The following CRACD variants were observed in gnomAD, a reference collection of about 807,000 sequenced individuals.
CRACD encodes the protein capping protein-inhibiting regulator of actin dynamics.
Under a neutral mutation model 106.8 loss-of-function variants are expected in CRACD, and 56 were observed. That is an observed-to-expected ratio of 0.52 (90% CI 0.42 to 0.66). The LOEUF is 0.66. Ranked by LOEUF, CRACD falls within the 30% of genes least tolerant of loss-of-function variation. CRACD has a pLI of 0.00. For missense variants in CRACD, 1,730 were observed against 1,623.2 expected, an observed-to-expected ratio of 1.07 and a Z score of -1.13; for synonymous variants, 754 against 670.8, an observed-to-expected ratio of 1.12 and a Z score of -1.92.
intron 1 of CRACD, among the ~76,000 whole-genome samples, chr4:56,127,237 T>A (rs1168311468): frequency 6.6e-6 from 1 of 152,226 alleles, no homozygotes; most frequent in Non-Finnish European, 1.5e-5. Flanking sequence ...CTTCCCAGCC[T>A]CTAGATCTGT....
At position 56,315,474 on chromosome 4, in the gene CRACD, T is replaced by G; in HGVS notation, c.1972T>G (p.Ser658Ala). 1 of 1,612,448 alleles carries G rather than the reference T, an allele frequency of 6.2e-7. No individual in the cohort carries two copies. Among genetic ancestry groups the G allele is most frequent in the Middle Eastern group, 1.7e-4 (1 of 6,056 alleles). ...GSGKAKPRQE[S>A]PSSASALAEW... is the part of the protein sequence containing the mutation. Reference sequence around the variant, plus strand: ...CGGGAAGGCTAAGCCCCGCCAGGAGTCTCCCAGCAGCGCGTCCGCACTCGC... The same window carrying G: ...CGGGAAGGCTAAGCCCCGCCAGGAGGCTCCCAGCAGCGCGTCCGCACTCGC... Residue 658 changes from serine to alanine, a missense_variant, in exon 8 of 11, where the codon TCT becomes GCT. Physicochemically the swap from Ser to Ala is moderately conservative, Grantham distance 99. Coordinates refer to ENST00000682029, the MANE Select transcript of CRACD (RefSeq NM_001393381.1). The surrounding 1 kb of genome is among the most constrained non-coding windows in gnomAD (Gnocchi z 4.1).
chr4:56,143,947 G>A (rs1289894272), intron 1 of CRACD, among the ~76,000 whole-genome samples: 1 of 152,188 alleles, frequency 6.6e-6, no homozygotes, highest in Non-Finnish European at 1.5e-5. Context: ...ATGCTACAAT[G>A]AGGGAAATAT....
chr4:56,138,284 T>C (rs1030660446), intron 1 of CRACD, among the ~76,000 whole-genome samples: 5 of 152,002 alleles, frequency 3.3e-5, no homozygotes, highest in African/African-American at 9.7e-5. Flanking sequence ...GCCAACATGG[T>C]GAAAACCTGT....
At chr4:56,323,128 G>A (rs1457219768) in intron 8 of CRACD, among the ~76,000 whole-genome samples, 1 of 152,160 alleles carries the variant, frequency 6.6e-6, no homozygotes, top group African/African-American at 2.4e-5. Context: ...ATTTATTTGA[G>A]TTTTTTTCTA....
chr4:56,295,506 C>T (rs1266938436), intron 3 of CRACD, among the ~76,000 whole-genome samples: 1 of 151,596 alleles, frequency 6.6e-6, no homozygotes, highest in African/African-American at 2.4e-5. Flanking sequence ...GAGTTCAACA[C>T]CAAAGAGCAG....
chr4:56,203,894 A>C (rs1334617903), intron 2 of CRACD, among the ~76,000 whole-genome samples: 1 of 152,192 alleles, frequency 6.6e-6, no homozygotes, highest in Non-Finnish European at 1.5e-5. Flanking sequence ...ACCTGCCTCC[A>C]TACAAGGCCA....
intron 2 of CRACD, among the ~76,000 whole-genome samples, chr4:56,224,355 C>T (rs1331615880): frequency 6.6e-6 from 1 of 152,112 alleles, no homozygotes; most frequent in Non-Finnish European, 1.5e-5. Context: ...GGCTGCTATA[C>T]TTGAGGTCTT....
At position 56,298,466 on chromosome 4, in the gene CRACD, C is replaced by T; in HGVS notation, c.120+117C>T. 4 of 1,228,206 alleles carry T rather than the reference C, an allele frequency of 3.3e-6. No individual in the cohort carries two copies. The South Asian group carries it at 6.3e-5, about 19-fold the overall frequency. 76.1% of individuals were successfully genotyped at this position (1,228,206 alleles called of 1,614,324 possible). A position where few individuals can be genotyped will look rare whatever the true frequency, so the allele number is the denominator to read the frequency against. ...GGATTGGGAGGTCCAGAGGTCACTC[C>T]TGGTGAGAATTATTGCTTTCTTGAA... On this transcript the variant is annotated intron_variant, in intron 4 of 10. Coordinates refer to ENST00000682029, the MANE Select transcript of CRACD (RefSeq NM_001393381.1).
At chr4:56,080,497 A>G (rs2412718) in intron 1 of CRACD, among the ~76,000 whole-genome samples, 54,227 of 152,118 alleles carry the variant, frequency 0.36, 10,207 homozygotes, top group African/African-American at 0.48. Context: ...GCCAGGAAGT[A>G]CTACATCATT....
intron 2 of CRACD, among the ~76,000 whole-genome samples, chr4:56,231,068 AAAC>A (rs139892310): frequency 0.22 from 26,487 of 119,246 alleles, 2,919 homozygotes; most frequent in East Asian, 0.58. Flanking sequence ...CAAAACAAAC[AAAC>A]AAAAAAATTG....
At chr4:56,298,072 C>A in intron 3 of CRACD, 142 bp from the exon 4 acceptor site, 2 of 867,420 alleles carry the variant, frequency 2.3e-6, no homozygotes, top group Non-Finnish European at 3.5e-6. Context: ...TGACCCCCAG[C>A]AGACAGGGAC....
chr4:56,315,214 A>G lies in CRACD; in HGVS notation c.1712A>G (p.Gln571Arg). Residue 571 changes from glutamine (Q) to arginine (R), a missense_variant, in exon 8 of 11, where the codon CAG becomes CGG. Gln to Arg is a conservative substitution (Grantham distance 43, BLOSUM62 1). Transcript: ENST00000682029. This position sits in a 1 kb window ranked among gnomAD's most constrained non-coding sequence, Gnocchi z 4.1. Reference protein sequence around the residue: ...AKDTGLTAAPQEPKAPKASPV... With the variant: ...AKDTGLTAAPREPKAPKASPV... ...GACACGGGGCTCACCGCTGCTCCCC[A>G]GGAACCAAAGGCCCCCAAAGCCAGC... is the stretch of plus-strand genomic sequence containing the variant. The G allele has an allele frequency of 3.1e-6, 5 of 1,593,888 alleles. No individual in the cohort carries two copies. Among genetic ancestry groups the G allele is most frequent in the South Asian group, 1.1e-5 (1 of 88,472 alleles).
In CRACD at chr4:56,111,197, G is replaced by T. The variant is rs906073584; in HGVS notation, c.-336+61898G>T. 3.9e-5 allele frequency among the ~76,000 whole-genome samples: 6 copies of T among 152,130 alleles called. 1 individual carries two copies. The highest frequency in any genetic ancestry group is 7.4e-5 in the Non-Finnish European group (5 of 68,020). On this transcript the variant is annotated intron_variant, in intron 1 of 10. Coordinates refer to ENST00000682029, the MANE Select transcript of CRACD (RefSeq NM_001393381.1). ...TAGCAGGAGGGTAGGAGGTATGGAT[G>T]TGGACGGGGGTGGGGGTAGCTTCCA...
At chr4:56,115,100 G>C (rs1458449502) in intron 1 of CRACD, among the ~76,000 whole-genome samples, 1 of 152,120 alleles carries the variant, frequency 6.6e-6, no homozygotes, top group Non-Finnish European at 1.5e-5. Context: ...GGGGTGAGCA[G>C]TGACATTTGA....
intron 1 of CRACD, among the ~76,000 whole-genome samples, chr4:56,155,034 A>G (rs1159240988): frequency 8.4e-5 from 5 of 59,724 alleles, no homozygotes; most frequent in African/African-American, 3.5e-4. Flanking sequence ...CAGTCCAATC[A>G]TCATCATCAT....
At chr4:56,272,900 A>AG (rs1162960672) in intron 3 of CRACD, among the ~76,000 whole-genome samples, 1 of 147,958 alleles carries the variant, frequency 6.8e-6, no homozygotes, top group Admixed American at 6.7e-5. Context: ...CTCTGCCTCA[A>AG]AAAAAAAAAA....
chr4:56,137,129 A>G (rs929235272), intron 1 of CRACD, among the ~76,000 whole-genome samples: 2 of 152,124 alleles, frequency 1.3e-5, no homozygotes, highest in Non-Finnish European at 2.9e-5. Context: ...TCACCAGGCA[A>G]TAGAAATTTT....
chr4:56,085,134 T>G (rs1733169794), intron 1 of CRACD, among the ~76,000 whole-genome samples: 1 of 152,124 alleles, frequency 6.6e-6, no homozygotes, highest in Non-Finnish European at 1.5e-5. Context: ...CCACAAGCAT[T>G]CTTTTCCAGG....
intron 2 of CRACD, among the ~76,000 whole-genome samples, chr4:56,252,164 G>A (rs1003402787): frequency 6.6e-6 from 1 of 152,098 alleles, no homozygotes; most frequent in African/African-American, 2.4e-5. Flanking sequence ...AAGAACACCG[G>A]CCTTAAGATT....
Sources: gnomAD v4.1 joint callset for allele counts (sites outside exome capture counted in the v4.1 genomes callset) on GRCh38, gnomAD v4.1.1 for gene constraint, Gnocchi (gnomAD v3.1) non-coding constraint, MANE v1.5 for transcripts, NCBI Gene and HGNC (gene_info 2026-07-23, HGNC 2026-07-21) for gene names.